Variants in SLC66A1 observed in about 807,000 individuals in gnomAD.
SLC66A1 encodes lysosomal amino acid transporter 1 homolog.
In SLC66A1, 23 loss-of-function variants were observed where a neutral mutation model predicts 33.0. The observed-to-expected ratio is 0.70, with a 90% confidence interval of 0.50 to 0.99. The LOEUF (loss-of-function observed/expected upper bound fraction) is 0.99. Among genes scored for constraint, SLC66A1 ranks in the 50% least tolerant of loss-of-function variants. The probability of loss-of-function intolerance (pLI) is 0.00; values close to 1 mark genes in which losing one functional copy is unlikely to be tolerated. For missense variants in SLC66A1, 335 were observed against 383.6 expected (o/e 0.87, Z 1.06); for synonymous variants, 164 against 175.5 (o/e 0.93, Z 0.52).
chr1:19,325,566 G>A lies in SLC66A1; in HGVS notation c.366G>A (p.Arg122=). 6.2e-7 allele frequency: 1 copy of A among 1,600,716 alleles called. No individual in the cohort carries two copies. The highest frequency in any genetic ancestry group is 8.5e-7 in the Non-Finnish European group (1 of 1,169,928). The change falls in exon 4 of 8, where the codon AGG becomes AGA. Residue 122 remains arginine, a synonymous_variant. Transcript: ENST00000375153. Reference sequence around the variant, plus strand: ...CGCTGTACTTTTACTACAAGTTCAGGACGCGCCCCTCTCTGTGTGAGTATG... The same window carrying A: ...CGCTGTACTTTTACTACAAGTTCAGAACGCGCCCCTCTCTGTGTGAGTATG... The part of the protein sequence containing the change: ...MLTLYFYYKF[R]TRPSLLSAPI...
At chr1:19,318,542 G>T (rs952190703) in intron 2 of SLC66A1, among the ~76,000 whole-genome samples, 1 of 152,162 alleles carries the variant, frequency 6.6e-6, no homozygotes, top group South Asian at 2.1e-4. Flanking sequence ...TTCACACAAT[G>T]TTTGCACAAG....
intron 7 of SLC66A1, 101 bp downstream of exon 7, chr1:19,327,513 A>ATCCG: frequency 8.7e-7 from 1 of 1,150,802 alleles, no homozygotes. Flanking sequence ...CCCTTCATCC[A>ATCCG]TCCGTCCATC....
chr1:19,315,839 T>C (rs2093802260), intron 1 of SLC66A1, among the ~76,000 whole-genome samples: 1 of 152,198 alleles, frequency 6.6e-6, no homozygotes, highest in Non-Finnish European at 1.5e-5. Flanking sequence ...GGTGTAGGTC[T>C]GAGTCTTGGG....
intron 6 of SLC66A1, 151 bp from the exon 7 acceptor site, chr1:19,327,076 C>G (rs2093872123): frequency 1.3e-6 from 1 of 791,416 alleles, no homozygotes; most frequent in African/African-American, 1.7e-5. Flanking sequence ...GGAGGCTCTT[C>G]TGTGTGTCGG....
intron 7 of SLC66A1, 126 bp downstream of exon 7, chr1:19,327,538 T>TCCCTCCCG: frequency 2.3e-6 from 2 of 881,920 alleles, no homozygotes; most frequent in Non-Finnish European, 1.7e-6. Flanking sequence ...CATCCCTCCC[T>TCCCTCCCG]CCCTCCCTCC....
At chr1:19,325,647 G>GGGC in intron 4 of SLC66A1, 65 bp downstream of exon 4, 1 of 1,190,478 alleles carries the variant, frequency 8.4e-7, no homozygotes, top group Non-Finnish European at 1.2e-6. Flanking sequence ...GTGGGGGGGG[G>GGGC]CGCCTGGAGT....
At chr1:19,319,108 G>A (rs547381900) in intron 2 of SLC66A1, among the ~76,000 whole-genome samples, 4 of 152,200 alleles carry the variant, frequency 2.6e-5, no homozygotes, top group Non-Finnish European at 5.9e-5. Flanking sequence ...TTGATCAGGG[G>A]CTTGACATTG....
chr1:19,333,812 G>A (rs775657338), downstream of SLC66A1, among the ~76,000 whole-genome samples: 26 of 152,166 alleles, frequency 1.7e-4, no homozygotes, highest in Admixed American at 1.2e-3. The surrounding 1 kb of genome is among the most constrained non-coding windows in gnomAD (Gnocchi z 4.2). Flanking sequence ...GTTAAGGTGG[G>A]AGGATTGCTT....
chr1:19,333,138 C>T (rs953762233), downstream of SLC66A1, among the ~76,000 whole-genome samples: 22 of 152,216 alleles, frequency 1.4e-4, no homozygotes, highest in Admixed American at 3.9e-4. This position sits in a 1 kb window ranked among gnomAD's most constrained non-coding sequence, Gnocchi z 4.2. Context: ...CCTGGCAGCC[C>T]TGTGCCGAGC....
intron 6 of SLC66A1, among the ~76,000 whole-genome samples, chr1:19,326,979 AG>A (rs2093871485): frequency 6.6e-6 from 1 of 151,846 alleles, no homozygotes; most frequent in Non-Finnish European, 1.5e-5. Context: ...GGTGGAATGC[AG>A]GGTGGTGTGG....
intron 1 of SLC66A1, among the ~76,000 whole-genome samples, chr1:19,315,972 A>C (rs1427725511): frequency 6.6e-6 from 1 of 152,172 alleles, no homozygotes; most frequent in Non-Finnish European, 1.5e-5. Context: ...ACATGAGTGC[A>C]TGCAGGATGC....
At chr1:19,320,633 T>C (rs1421425055) in intron 2 of SLC66A1, among the ~76,000 whole-genome samples, 1 of 151,864 alleles carries the variant, frequency 6.6e-6, no homozygotes, top group Admixed American at 6.6e-5. Context: ...GCCAGGATGG[T>C]CTCGATTTCC....
At position 19,328,628 on chromosome 1, in the gene SLC66A1, C is replaced by T. The variant is rs563984200; in HGVS notation, c.861C>T (p.Pro287=). Residue 287 remains proline (P), a synonymous_variant, in exon 8 of 8, where the codon CCC becomes CCT. Coordinates refer to ENST00000375153, the MANE Select transcript of SLC66A1 (RefSeq NM_001040125.2). The surrounding 1 kb of genome is among the most constrained non-coding windows in gnomAD (Gnocchi z 4.7). Reference sequence around the variant, plus strand: ...GCACCGCCGCCTCGGAGCTTGAGCCCCTCCTCCCCAGCTGACCAGAACCAG... The same window carrying T: ...GCACCGCCGCCTCGGAGCTTGAGCCTCTCCTCCCCAGCTGACCAGAACCAG... ...RRSTAASELE[P]LLPS is the part of the protein sequence containing the mutation. 6.2e-7 allele frequency: 1 copy of T among 1,613,784 alleles called. No homozygotes were observed. Among genetic ancestry groups the T allele is most frequent in the African/African-American group, 1.3e-5 (1 of 75,048 alleles).
intron 6 of SLC66A1, 128 bp from the exon 7 acceptor site, chr1:19,327,099 G>A: frequency 1.0e-6 from 1 of 980,136 alleles, no homozygotes; most frequent in Non-Finnish European, 1.5e-6. Flanking sequence ...CCATATCCCT[G>A]GGCACCCAGG....
downstream of SLC66A1, among the ~76,000 whole-genome samples, chr1:19,329,832 AGGAT>A (rs1221120409): frequency 2.0e-5 from 3 of 152,168 alleles, no homozygotes. Flanking sequence ...ATAGGTCAGA[AGGAT>A]GAGCGGGAGA....
At position 19,312,375 on chromosome 1, in the gene SLC66A1, G is replaced by A. The variant is rs1047491922; in HGVS notation, c.-593G>A. On this transcript the variant is annotated 5_prime_UTR_variant, in exon 1 of 8. Coordinates refer to ENST00000375153, the MANE Select transcript of SLC66A1 (RefSeq NM_001040125.2). ...CTGGACGTGGTGAGCCGGACCGGGGGCAGGTGGCAAACTTCACGGCTGGGG... is the reference window on the plus strand; with the variant it reads ...CTGGACGTGGTGAGCCGGACCGGGGACAGGTGGCAAACTTCACGGCTGGGG... 2.9e-5 allele frequency: 7 copies of A among 241,508 alleles called. No individual in the cohort carries two copies. The highest frequency in any genetic ancestry group is 9.3e-5 in the East Asian group (1 of 10,746). 15.0% of individuals were successfully genotyped at this position (241,508 alleles called of 1,614,324 possible).
At chr1:19,317,194 C>T (rs2093810737) in intron 1 of SLC66A1, among the ~76,000 whole-genome samples, 2 of 152,168 alleles carry the variant, frequency 1.3e-5, no homozygotes, top group South Asian at 2.1e-4. Flanking sequence ...ACATCGAGGG[C>T]TCAGTTCAAC....
intron 1 of SLC66A1, among the ~76,000 whole-genome samples, chr1:19,314,974 C>G (rs190178107): frequency 6.6e-6 from 1 of 152,212 alleles, no homozygotes; most frequent in East Asian, 1.9e-4. Context: ...ATGGCGCGAT[C>G]TCAGCTCACT....
intron 2 of SLC66A1, among the ~76,000 whole-genome samples, chr1:19,319,104 A>G (rs564743097): frequency 6.6e-6 from 1 of 152,358 alleles, no homozygotes; most frequent in South Asian, 2.1e-4. Context: ...GGGTTTGATC[A>G]GGGGCTTGAC....
Sources: allele counts gnomAD v4.1 joint callset (sites outside exome capture counted in the v4.1 genomes callset), GRCh38; gene constraint gnomAD v4.1.1; non-coding constraint Gnocchi (gnomAD v3.1); transcripts MANE v1.5; gene names NCBI Gene and HGNC (gene_info 2026-07-23, HGNC 2026-07-21).